Variants in B4GALT4 observed in about 807,000 individuals in gnomAD.
B4GALT4 encodes N-acetyllactosamine synthase.
In B4GALT4, 27 loss-of-function variants were observed where a neutral mutation model predicts 37.3. The ratio of observed to expected loss-of-function variants is 0.72; its 90% CI spans 0.53 to 1.00. The LOEUF is 1.00. Ranked by LOEUF, B4GALT4 falls within the 50% of genes least tolerant of loss-of-function variation. The pLI, the probability that B4GALT4 is intolerant of heterozygous loss-of-function variation, is 0.00. For missense variants in B4GALT4, 372 were observed against 413.1 expected (o/e 0.90, Z 0.86); for synonymous variants, 148 against 154.1 (o/e 0.96, Z 0.29).
rs747583235 is a variant in B4GALT4, at chr3:119,216,240, C to T, written c.902G>A (p.Arg301Gln). Residue 301 changes from arginine to glutamine, a missense_variant and splice_region_variant, in exon 7 of 8, where the codon CGG (arginine) becomes CAG (glutamine). Physicochemically the swap from Arg to Gln is conservative, Grantham distance 43 (BLOSUM62 1). Coordinates refer to ENST00000393765, the MANE Select transcript of B4GALT4 (RefSeq NM_003778.4). ...RDKGNEVNAERMKLLHQVSRV... is the reference protein window; with the variant it reads ...RDKGNEVNAEQMKLLHQVSRV... ...CTAGGCAGGTGAAGCCAGGACTTACCGTTCTGCGTTCACCTCATTGCCTTT... is the reference window on the plus strand; with the variant it reads ...CTAGGCAGGTGAAGCCAGGACTTACTGTTCTGCGTTCACCTCATTGCCTTT... 7 of 1,607,948 alleles carry T rather than the reference C, an allele frequency of 4.4e-6. No homozygotes were observed. The highest frequency in any genetic ancestry group is 1.3e-5 in the African/African-American group (1 of 74,676).
At chr3:119,236,374 A>T (rs935506819) in intron 2 of B4GALT4, 1 of 152,036 alleles carries the variant, frequency 6.6e-6, no homozygotes, top group African/African-American at 2.4e-5. Flanking sequence ...TAGTTTAGTT[A>T]ATAGTATTGA....
intron 2 of B4GALT4, 24 bp from the exon 3 acceptor site, chr3:119,230,268 C>G (rs1291856226): frequency 1.2e-6 from 1 of 851,422 alleles, no homozygotes; most frequent in Non-Finnish European, 1.8e-6. Context: ...ACAAAAGACA[C>G]GTTGTTTCAA....
At chr3:119,239,984 T>G (rs1160694612) in intron 1 of B4GALT4, 3 of 119,154 alleles carry the variant, frequency 2.5e-5, no homozygotes, top group Admixed American at 8.4e-5. Context: ...TTATTTTCCT[T>G]TCTTTAAAAA....
intron 3 of B4GALT4, 75 bp downstream of exon 3, chr3:119,229,772 A>G (rs2078749608): frequency 6.8e-7 from 1 of 1,480,424 alleles, no homozygotes; most frequent in Non-Finnish European, 9.1e-7. Context: ...AGATGTTTTG[A>G]TACAGGCAAG....
At chr3:119,232,150 G>C (rs2078844162) in intron 2 of B4GALT4, among the ~76,000 whole-genome samples, 1 of 152,130 alleles carries the variant, frequency 6.6e-6, no homozygotes. Flanking sequence ...AGGGAGGTTA[G>C]TTCTTGGGGA....
chr3:119,239,341 A>AT (rs2079079312), intron 1 of B4GALT4, among the ~76,000 whole-genome samples: 2 of 151,414 alleles, frequency 1.3e-5, no homozygotes, highest in Non-Finnish European at 2.9e-5. Flanking sequence ...AAAAAAAAAA[A>AT]ATTATATTTT....
intron 1 of B4GALT4, among the ~76,000 whole-genome samples, chr3:119,239,759 T>C (rs145929045): frequency 1.1e-3 from 160 of 152,280 alleles, no homozygotes; most frequent in African/African-American, 3.6e-3. Flanking sequence ...GGGTTTACAA[T>C]TTCCATAAAG....
chr3:119,234,104 T>C (rs1174722164), intron 2 of B4GALT4, among the ~76,000 whole-genome samples: 1 of 152,002 alleles, frequency 6.6e-6, no homozygotes, highest in Non-Finnish European at 1.5e-5. Context: ...CTGGTACATT[T>C]CCAGGACACA....
rs1411718405 is a variant in B4GALT4, at chr3:119,218,723, GCT to G, written c.722_723del (p.Glu241AlafsTer10). ...GAGAATCCATTCACCTTGAAAAACT[GCT>G]CTCTGCTTAGGGCAGTAACACCCCC... is the stretch of plus-strand genomic sequence containing the variant. ...YFGGVTALSR[E>X]QFFKVNGFSN... is the part of the protein sequence containing the mutation. On this transcript the variant is annotated frameshift_variant, in exon 6 of 8. Transcript: ENST00000393765. LOFTEE classifies it high-confidence loss of function. 6.2e-7 allele frequency: 1 copy of G among 1,614,114 alleles called. No individual in the cohort carries two copies. Among genetic ancestry groups the G allele is most frequent in the East Asian group, 2.2e-5 (1 of 44,886 alleles).
chr3:119,215,517 G>A (rs1252783564), intron 7 of B4GALT4: 1 of 152,190 alleles, frequency 6.6e-6, no homozygotes, highest in Admixed American at 6.5e-5. Flanking sequence ...GATAGTGTGA[G>A]TCAATACTCC....
chr3:119,225,368 C>T (rs763554412), intron 4 of B4GALT4, among the ~76,000 whole-genome samples: 15 of 152,096 alleles, frequency 9.9e-5, no homozygotes, highest in South Asian at 4.2e-4. Context: ...AAGAATAACA[C>T]GAAGCAGACA....
intron 3 of B4GALT4, among the ~76,000 whole-genome samples, chr3:119,227,341 G>A (rs138788546): frequency 6.6e-6 from 1 of 152,270 alleles, no homozygotes; most frequent in East Asian, 1.9e-4. Flanking sequence ...GGTGAACTCT[G>A]GTAAGAGCAA....
At chr3:119,222,212 G>A (rs2078470516) in intron 5 of B4GALT4, among the ~76,000 whole-genome samples, 1 of 152,206 alleles carries the variant, frequency 6.6e-6, no homozygotes, top group South Asian at 2.1e-4. Flanking sequence ...GTTCTGTGTT[G>A]TAAATAGTGA....
At chr3:119,219,729 ACCTCCCAGCCTC>A in intron 5 of B4GALT4, among the ~76,000 whole-genome samples, 1 of 152,230 alleles carries the variant, frequency 6.6e-6, no homozygotes, top group South Asian at 2.1e-4. Flanking sequence ...GTTAGAGAGC[ACCTCCCAGCCTC>A]CCAGTTATAT....
chr3:119,231,402 T>G (rs2078811272), intron 2 of B4GALT4, among the ~76,000 whole-genome samples: 1 of 152,176 alleles, frequency 6.6e-6, no homozygotes, highest in African/African-American at 2.4e-5. Flanking sequence ...AAACATGTTC[T>G]CAGAAGAACA....
At chr3:119,220,912 G>A (rs2078431521) in intron 5 of B4GALT4, among the ~76,000 whole-genome samples, 1 of 151,918 alleles carries the variant, frequency 6.6e-6, no homozygotes, top group Non-Finnish European at 1.5e-5. Context: ...CTTGAACCCG[G>A]GAGGTGGAAG....
chr3:119,216,404 A>G, intron 6 of B4GALT4, 60 bp from the exon 7 acceptor site: 2 of 1,403,042 alleles, frequency 1.4e-6, no homozygotes, highest in Non-Finnish European at 2.0e-6. Flanking sequence ...CTAGGCAAAT[A>G]AAAAGCATCA....
At chr3:119,236,501 G>A (rs1576944591) in intron 2 of B4GALT4, among the ~76,000 whole-genome samples, 2 of 152,142 alleles carry the variant, frequency 1.3e-5, no homozygotes, top group East Asian at 3.9e-4. Context: ...TAAAGAGTCA[G>A]AGACTAGGTA....
intron 4 of B4GALT4, 24 bp downstream of exon 4, chr3:119,226,785 G>A: frequency 6.3e-7 from 1 of 1,587,370 alleles, no homozygotes; most frequent in Non-Finnish European, 8.6e-7. Context: ...TCGAGGGCAG[G>A]CCCTGGTCTG....
Sources: allele counts gnomAD v4.1 joint callset (sites outside exome capture counted in the v4.1 genomes callset), GRCh38; gene constraint gnomAD v4.1.1; transcripts MANE v1.5; gene names NCBI Gene and HGNC (gene_info 2026-07-23, HGNC 2026-07-21).